MID1: variants seen among roughly 807,000 people sequenced by gnomAD.
The protein encoded by MID1 is midline 1, also known as E3 ubiquitin-protein ligase Midline-1.
Under a neutral mutation model 40.4 loss-of-function variants are expected in MID1, and 7 were observed. The observed-to-expected ratio is 0.17, with a 90% CI of 0.10 to 0.33. The LOEUF (loss-of-function observed/expected upper bound fraction) is 0.33, where lower values mean the gene tolerates loss of function less well. Ranked by LOEUF, MID1 falls within the 10% of genes least tolerant of loss-of-function variation. MID1 has a pLI of 1.00. For missense variants in MID1, 367 were observed against 558.5 expected (o/e 0.66, Z 3.46); for synonymous variants, 229 against 221.2 (o/e 1.04, Z -0.31).
chrX:10,588,031 G>A (rs1935178502), intron 1 of MID1, among the ~76,000 whole-genome samples: 1 of 111,883 alleles, frequency 8.9e-6, no homozygotes, highest in Non-Finnish European at 1.9e-5. Flanking sequence ...AAAACCTGTT[G>A]CATTTTTATT....
intron 1 of MID1, among the ~76,000 whole-genome samples, chrX:10,724,352 C>A (rs1245641226): frequency 8.9e-6 from 1 of 111,970 alleles, no homozygotes; most frequent in Non-Finnish European, 1.9e-5. Flanking sequence ...AGCCATTGGG[C>A]CTCAGCATGT....
intron 1 of MID1, among the ~76,000 whole-genome samples, chrX:10,657,367 A>C (rs2042881898): frequency 8.9e-6 from 1 of 112,003 alleles, no homozygotes; most frequent in Admixed American, 9.5e-5. Context: ...TAATCCACCC[A>C]GTAACTGAAT....
At chrX:10,789,946 C>T (rs759125984) in intron 1 of MID1, among the ~76,000 whole-genome samples, 9 of 110,752 alleles carry the variant, frequency 8.1e-5, no homozygotes, top group Non-Finnish European at 1.7e-4. Context: ...TACATGGCAT[C>T]GATGACCTGG....
At chrX:10,686,714 C>G (rs1393000107) in intron 1 of MID1, among the ~76,000 whole-genome samples, 2 of 112,195 alleles carry the variant, frequency 1.8e-5, no homozygotes, top group African/African-American at 3.2e-5. Context: ...GGGGAAGAAG[C>G]AAGATTGGGC....
intron 3 of MID1, among the ~76,000 whole-genome samples, chrX:10,499,654 C>A (rs1234732139): frequency 8.9e-6 from 1 of 111,864 alleles, no homozygotes; most frequent in Non-Finnish European, 1.9e-5. Flanking sequence ...ATATGGATAG[C>A]CAGTTGTCTC....
intron 4 of MID1, among the ~76,000 whole-genome samples, chrX:10,492,063 A>G (rs1355670184): frequency 2.7e-5 from 3 of 111,488 alleles, no homozygotes; most frequent in African/African-American, 9.8e-5. Flanking sequence ...AAAACTGCTA[A>G]TTTGTTGCTT....
intron 6 of MID1, among the ~76,000 whole-genome samples, chrX:10,474,303 G>A (rs1001046178): frequency 8.9e-6 from 1 of 112,088 alleles, no homozygotes; most frequent in East Asian, 2.8e-4. Flanking sequence ...TGTATTGTGA[G>A]TTGCTTACTA....
At chrX:10,527,441 A>T (rs1442884706) in intron 2 of MID1, among the ~76,000 whole-genome samples, 2 of 112,064 alleles carry the variant, frequency 1.8e-5, no homozygotes, top group Admixed American at 9.5e-5. Context: ...CAAATGAGAA[A>T]ATGAACACAT....
At chrX:10,727,155 C>A (rs958226183) in intron 1 of MID1, among the ~76,000 whole-genome samples, 1 of 112,170 alleles carries the variant, frequency 8.9e-6, no homozygotes, top group African/African-American at 3.2e-5. Flanking sequence ...ACTCTTGTTG[C>A]CCAGGCTGGA....
At chrX:10,652,861 A>T (rs1936331329) in intron 1 of MID1, among the ~76,000 whole-genome samples, 1 of 111,496 alleles carries the variant, frequency 9.0e-6, no homozygotes, top group Non-Finnish European at 1.9e-5. Context: ...CTCAATTCTT[A>T]ACCTCTCCCA....
In MID1 at chrX:10,469,479, G is replaced by A. The variant is rs1414175443; in HGVS notation, c.1285+218C>T. ...GGCTTCTTTCCCTTAACATCCATGTGGTTTGCTAGAGGTCATTAATTTTCA... is the reference window on the plus strand; with the variant it reads ...GGCTTCTTTCCCTTAACATCCATGTAGTTTGCTAGAGGTCATTAATTTTCA... On this transcript the variant is annotated intron_variant, in intron 7 of 9. Transcript: ENST00000317552. 4.5e-6 allele frequency: 5 copies of A among 1,118,435 alleles called. No individual in the cohort carries two copies. In the Admixed American group the frequency reaches 1.4e-4, roughly 32 times the overall value. 92.2% of individuals were successfully genotyped at this position (1,118,435 alleles called of 1,213,427 possible). A position where few individuals can be genotyped will look rare whatever the true frequency, so the allele number is the denominator to read the frequency against.
intron 1 of MID1, among the ~76,000 whole-genome samples, chrX:10,771,225 G>A (rs1443541424): frequency 9.0e-6 from 1 of 111,411 alleles, no homozygotes; most frequent in African/African-American, 3.3e-5. Flanking sequence ...CAAATTCACT[G>A]AGTCTACCTA....
chrX:10,735,318 T>C (rs1229745736), intron 1 of MID1, among the ~76,000 whole-genome samples: 2 of 111,877 alleles, frequency 1.8e-5, no homozygotes, highest in East Asian at 5.6e-4. Flanking sequence ...GCCAGGCCGG[T>C]CTCAAACTCC....
intron 3 of MID1, among the ~76,000 whole-genome samples, chrX:10,521,871 ACT>A (rs1491578162): frequency 8.9e-6 from 1 of 111,982 alleles, no homozygotes; most frequent in Non-Finnish European, 1.9e-5. Context: ...ACAAGGTCTC[ACT>A]CTGTCGCCTA....
chrX:10,517,433 G>T (rs1932504164), intron 3 of MID1, among the ~76,000 whole-genome samples: 1 of 112,136 alleles, frequency 8.9e-6, no homozygotes, highest in African/African-American at 3.2e-5. Flanking sequence ...CCTTGGACAT[G>T]AGATTGTTTT....
chrX:10,693,082 T>C (rs1482159967), intron 1 of MID1, among the ~76,000 whole-genome samples: 1 of 111,871 alleles, frequency 8.9e-6, no homozygotes, highest in East Asian at 2.8e-4. Context: ...CCCTTAAATT[T>C]CTATGATGCC....
At position 10,832,499 on chromosome X, in the gene MID1, C is replaced by T. The variant is rs193121226; in HGVS notation, c.-187+1055G>A. 6.2e-5 allele frequency among the ~76,000 whole-genome samples: 7 copies of T among 112,143 alleles called. No homozygotes were observed. The East Asian group carries it at 1.9e-3, about 31-fold the overall frequency. ...CACTTGTTGCAGTCAGTAGCACAAACCTGCTCCCAAAACTCAGGATAAAGT... is the reference window on the plus strand; with the variant it reads ...CACTTGTTGCAGTCAGTAGCACAAATCTGCTCCCAAAACTCAGGATAAAGT... On this transcript the variant is annotated intron_variant, in intron 1 of 10. Transcript: ENST00000380785.
chrX:10,512,838 G>A, intron 3 of MID1, among the ~76,000 whole-genome samples: 2 of 112,199 alleles, frequency 1.8e-5, no homozygotes, highest in Non-Finnish European at 3.8e-5. Flanking sequence ...TAAAAGCATA[G>A]TAAAAGCTCT....
At chrX:10,537,153 C>T (rs758076757) in intron 2 of MID1, among the ~76,000 whole-genome samples, 5 of 110,815 alleles carry the variant, frequency 4.5e-5, no homozygotes, top group Non-Finnish European at 9.4e-5. Context: ...TGAAGTTGCT[C>T]CCAGTGTATT....
Sources: gnomAD v4.1 joint callset for allele counts (sites outside exome capture counted in the v4.1 genomes callset) on GRCh38, gnomAD v4.1.1 for gene constraint, MANE v1.5 for transcripts, NCBI Gene and HGNC (gene_info 2026-07-23, HGNC 2026-07-21) for gene names.